The following MAP2K6 variants were observed in gnomAD, a reference collection of about 807,000 sequenced individuals.
MAP2K6 encodes the protein dual specificity mitogen-activated protein kinase kinase 6.
In MAP2K6, 16 loss-of-function variants were observed where a neutral mutation model predicts 53.7. The observed-to-expected ratio is 0.30, with a 90% CI of 0.20 to 0.45. The LOEUF is 0.45. MAP2K6 is among the 20% of genes least tolerant of loss of function. The probability of loss-of-function intolerance (pLI) is 1.00; values close to 1 mark genes in which losing one functional copy is unlikely to be tolerated. For synonymous variants in MAP2K6, 132 were observed against 143.1 expected (o/e 0.92, Z 0.55); for missense variants, 204 against 411.9 (o/e 0.50, Z 4.37).
Position 69,534,889 on chromosome 17 carries a change from T to C in MAP2K6, c.882-1226T>C, listed in dbSNP as rs531902390. 3.3e-5 allele frequency among the ~76,000 whole-genome samples: 5 copies of C among 152,262 alleles called. No individual in the cohort carries two copies. The East Asian group carries it at 9.6e-4, about 29-fold the overall frequency. ...AGTCTGTAGGTTGCCTTGCAAATCA[T>C]AGTTTTCAAAATCATCTTTTTCTGC... is the stretch of plus-strand genomic sequence containing the variant. On this transcript the variant is annotated intron_variant, in intron 10 of 11. Transcript: ENST00000590474.
intron 1 of MAP2K6, among the ~76,000 whole-genome samples, chr17:69,417,633 T>C (rs1216283004): frequency 6.6e-6 from 1 of 152,212 alleles, no homozygotes; most frequent in African/African-American, 2.4e-5. Context: ...GTAGAATGCC[T>C]TTTGAGGAAA....
In MAP2K6 at chr17:69,493,590, G is replaced by A. The variant is rs1278940688; in HGVS notation, c.17-12190G>A. Among the ~76,000 whole-genome samples, 13 of 152,052 alleles carry A rather than the reference G, an allele frequency of 8.5e-5. No individual in the cohort carries two copies. The East Asian group carries it at 2.3e-3, about 27-fold the overall frequency. The stretch of plus-strand genomic sequence containing the variant: ...AGCCTGGCCAGCATGGCGAAACCCC[G>A]TCTCTACTAAAAATACAAAAATAAG... On this transcript the variant is annotated intron_variant, in intron 1 of 11. Transcript: ENST00000590474.
intron 1 of MAP2K6, among the ~76,000 whole-genome samples, chr17:69,464,039 GATAA>G (rs1011426854): frequency 8.6e-5 from 13 of 151,874 alleles, no homozygotes; most frequent in Non-Finnish European, 1.5e-4. Context: ...TTTGTTGATT[GATAA>G]ATAAATATTT....
intron 5 of MAP2K6, chr17:69,519,689 A>C: frequency 2.3e-6 from 1 of 438,160 alleles, no homozygotes; most frequent in Non-Finnish European, 4.1e-6. Context: ...ATCTTGGCAG[A>C]ACTTTCTATA....
chr17:69,447,156 T>A (rs1472042427), intron 1 of MAP2K6, among the ~76,000 whole-genome samples: 1 of 151,824 alleles, frequency 6.6e-6, no homozygotes, highest in Non-Finnish European at 1.5e-5. Context: ...TTTTTGTATT[T>A]TTAATAGAGA....
chr17:69,474,098 A>G (rs76553346), intron 1 of MAP2K6, among the ~76,000 whole-genome samples: 3,669 of 152,348 alleles, frequency 0.024, 148 homozygotes, highest in African/African-American at 0.083. Flanking sequence ...AGGCGGCCAG[A>G]GTGATGTTAA....
At chr17:69,425,550 A>T (rs1906247073) in intron 1 of MAP2K6, among the ~76,000 whole-genome samples, 2 of 152,154 alleles carry the variant, frequency 1.3e-5, no homozygotes, top group South Asian at 4.1e-4. Flanking sequence ...TGACCTCATG[A>T]TTCGCCCGCC....
At chr17:69,455,324 C>A (rs1197446342) in intron 1 of MAP2K6, among the ~76,000 whole-genome samples, 1 of 152,124 alleles carries the variant, frequency 6.6e-6, no homozygotes, top group Non-Finnish European at 1.5e-5. Context: ...AGTAGTTTAG[C>A]CATGCCCTGG....
At chr17:69,485,025 G>T (rs1284700927) in intron 1 of MAP2K6, among the ~76,000 whole-genome samples, 1 of 152,032 alleles carries the variant, frequency 6.6e-6, no homozygotes, top group Non-Finnish European at 1.5e-5. Flanking sequence ...TGGTTGCACA[G>T]CTCTGAATAT....
chr17:69,468,114 C>T (rs1907872796), intron 1 of MAP2K6, among the ~76,000 whole-genome samples: 1 of 152,170 alleles, frequency 6.6e-6, no homozygotes, highest in South Asian at 2.1e-4. Context: ...TGTTTCAGCC[C>T]AAGTGCACCC....
In MAP2K6 at chr17:69,499,799, C is replaced by G. The variant is rs184464656; in HGVS notation, c.17-5981C>G. ...ATTCTAGATTGTGAGAAAAGGTTTGCGGGAAATGAGTGGAAGATGGTCGTG... is the reference window on the plus strand; with the variant it reads ...ATTCTAGATTGTGAGAAAAGGTTTGGGGGAAATGAGTGGAAGATGGTCGTG... On this transcript the variant is annotated intron_variant, in intron 1 of 11. Coordinates refer to ENST00000590474, the MANE Select transcript of MAP2K6 (RefSeq NM_002758.4). 7.9e-5 allele frequency among the ~76,000 whole-genome samples: 12 copies of G among 152,104 alleles called. No individual in the cohort carries two copies. The East Asian group carries it at 1.5e-3, about 20-fold the overall frequency.
chr17:69,437,680 C>T (rs1357996610), intron 1 of MAP2K6, among the ~76,000 whole-genome samples: 2 of 152,152 alleles, frequency 1.3e-5, no homozygotes, highest in Non-Finnish European at 2.9e-5. Context: ...TATCTAATTC[C>T]AAAACACTAT....
chr17:69,520,627 G>T, intron 6 of MAP2K6: 1 of 467,892 alleles, frequency 2.1e-6, no homozygotes, highest in Non-Finnish European at 3.7e-6. Context: ...GCATTCATCA[G>T]CTATGACCAC....
intron 1 of MAP2K6, among the ~76,000 whole-genome samples, chr17:69,493,275 T>C (rs143306995): frequency 2.2e-3 from 326 of 149,486 alleles, no homozygotes; most frequent in African/African-American, 7.7e-3. Flanking sequence ...AAATTTTATA[T>C]AACCAAAAAG....
rs1908862360 is a variant in MAP2K6 at position 69,494,348 on chromosome 17, A to G, written c.17-11432A>G. The stretch of plus-strand genomic sequence containing the variant: ...CCTCATCTCTACTAAAAATACAAAA[A>G]TTAGCTGGGCATGGTGGCACATGCC... On this transcript the variant is annotated intron_variant, in intron 1 of 11. Coordinates refer to ENST00000590474, the MANE Select transcript of MAP2K6 (RefSeq NM_002758.4). The surrounding 1 kb of genome is among the most constrained non-coding windows in gnomAD (Gnocchi z 4.2). Among the ~76,000 whole-genome samples, 3 of 151,998 alleles carry G rather than the reference A, an allele frequency of 2.0e-5. No homozygotes were observed. The highest frequency in any genetic ancestry group is 2.0e-4 in the Admixed American group (3 of 15,274).
intron 1 of MAP2K6, chr17:69,502,181 C>G (rs904749367): frequency 8.1e-6 from 8 of 985,376 alleles, no homozygotes; most frequent in Non-Finnish European, 9.6e-6. Context: ...TTCTCCCTTC[C>G]TGAAGCTGCA....
chr17:69,475,249 A>G (rs1908110239), intron 1 of MAP2K6, among the ~76,000 whole-genome samples: 1 of 149,808 alleles, frequency 6.7e-6, no homozygotes, highest in African/African-American at 2.5e-5. Flanking sequence ...GCTCACTGCA[A>G]GCTCCGCCTC....
At chr17:69,472,172 A>G (rs914948922) in intron 1 of MAP2K6, among the ~76,000 whole-genome samples, 2 of 152,166 alleles carry the variant, frequency 1.3e-5, no homozygotes, top group Non-Finnish European at 2.9e-5. Context: ...AATGCATGCT[A>G]GCTCTGCATT....
intron 1 of MAP2K6, among the ~76,000 whole-genome samples, chr17:69,499,943 G>T (rs989092278): frequency 3.3e-5 from 5 of 152,118 alleles, no homozygotes; most frequent in Non-Finnish European, 7.3e-5. Flanking sequence ...GTGAAAGCAG[G>T]AATGTGTGGA....
Sources: allele counts gnomAD v4.1 joint callset (sites outside exome capture counted in the v4.1 genomes callset), GRCh38; gene constraint gnomAD v4.1.1; non-coding constraint Gnocchi (gnomAD v3.1); transcripts MANE v1.5; gene names NCBI Gene and HGNC (gene_info 2026-07-23, HGNC 2026-07-21).